UPRT: variants seen among roughly 807,000 people sequenced by gnomAD.
UPRT encodes the protein uracil phosphoribosyltransferase homolog, also known as RP11-311P8.3.
UPRT carries 5 observed loss-of-function variants against 22.6 expected under a neutral mutation model. The observed-to-expected ratio is 0.22, with a 90% CI of 0.12 to 0.47. UPRT has a LOEUF of 0.47. Among genes scored for constraint, UPRT ranks in the 20% least tolerant of loss-of-function variants. The probability of loss-of-function intolerance (pLI) is 0.99; values close to 1 mark genes in which losing one functional copy is unlikely to be tolerated. For synonymous variants in UPRT, 77 were observed against 87.7 expected (o/e 0.88, Z 0.68); for missense variants, 181 against 239.9 (o/e 0.75, Z 1.62).
At chrX:75,264,727 T>G (rs1048731316) in intron 4 of UPRT, among the ~76,000 whole-genome samples, 1 of 111,770 alleles carries the variant, frequency 8.9e-6, no homozygotes, top group Admixed American at 9.5e-5. Context: ...TTTGATCCTG[T>G]CATTATGACG....
intron 4 of UPRT, among the ~76,000 whole-genome samples, chrX:75,179,031 G>T (rs767359972): frequency 8.9e-6 from 1 of 111,821 alleles, no homozygotes; most frequent in East Asian, 2.8e-4. Context: ...AGATTAGTTA[G>T]ATACAGAGTT....
At chrX:75,224,100 A>T (rs1385166182) in intron 4 of UPRT, among the ~76,000 whole-genome samples, 1 of 111,430 alleles carries the variant, frequency 9.0e-6, no homozygotes, top group African/African-American at 3.3e-5. Flanking sequence ...TTGGTTGTTT[A>T]AAAAAAATTC....
At chrX:75,203,562 G>A (rs1427103036) in intron 4 of UPRT, among the ~76,000 whole-genome samples, 1 of 108,825 alleles carries the variant, frequency 9.2e-6, no homozygotes, top group African/African-American at 3.4e-5. Context: ...AACAGCAAAT[G>A]CAGGCTTTAT....
At chrX:75,226,850 C>G (rs1324059204) in intron 4 of UPRT, among the ~76,000 whole-genome samples, 2 of 110,794 alleles carry the variant, frequency 1.8e-5, no homozygotes, top group Non-Finnish European at 3.8e-5. Flanking sequence ...CTTTTGTTCA[C>G]CACTCAACAT....
intron 2 of UPRT, among the ~76,000 whole-genome samples, chrX:75,162,468 A>T (rs754080495): frequency 9.0e-6 from 1 of 111,502 alleles, no homozygotes; most frequent in East Asian, 2.8e-4. Flanking sequence ...AAACTCTCCA[A>T]GTTGCAGTTT....
intron 1 of UPRT, among the ~76,000 whole-genome samples, chrX:75,277,154 T>G (rs757727273): frequency 6.3e-5 from 7 of 111,976 alleles, no homozygotes; most frequent in Non-Finnish European, 1.1e-4. Flanking sequence ...TTTGGGTGGT[T>G]TACCACTCTT....
intron 4 of UPRT, among the ~76,000 whole-genome samples, chrX:75,260,318 TAA>T (rs1418851574): frequency 1.8e-5 from 2 of 111,904 alleles, no homozygotes; most frequent in Non-Finnish European, 3.8e-5. Flanking sequence ...GCAAATTGGA[TAA>T]AGAGTCAAGA....
intron 6 of UPRT, among the ~76,000 whole-genome samples, chrX:75,302,636 AAT>A (rs1156287986): frequency 1.8e-5 from 2 of 111,447 alleles, no homozygotes; most frequent in African/African-American, 3.3e-5. Context: ...ACATCCTTTG[AAT>A]ATATGTTATT....
rs1206688194 is a variant in UPRT at position 75,227,073 on chromosome X, C to T, written c.-447+59194C>T. Among the ~76,000 whole-genome samples, 5 of 110,886 alleles carry T rather than the reference C, an allele frequency of 4.5e-5. No homozygotes were observed. In the South Asian group the frequency reaches 1.6e-3, roughly 34 times the overall value. On this transcript the variant is annotated intron_variant, in intron 4 of 13. Transcript: ENST00000652605. ...ATGTGAGCTTAGGTGTACCTCAGTG[C>T]CCAGTACTGCCTTTTCCACTCCATC...
intron 3 of UPRT, among the ~76,000 whole-genome samples, chrX:75,166,207 A>C (rs1466358823): frequency 8.9e-6 from 1 of 111,791 alleles, no homozygotes; most frequent in Non-Finnish European, 1.9e-5. Flanking sequence ...ATGATAATTA[A>C]AATCAACATG....
chrX:75,223,357 C>T (rs1289716003), intron 4 of UPRT, among the ~76,000 whole-genome samples: 1 of 110,899 alleles, frequency 9.0e-6, no homozygotes, highest in African/African-American at 3.3e-5. Context: ...GTTGGTGTCA[C>T]ACTAGGCCAT....
intron 4 of UPRT, among the ~76,000 whole-genome samples, chrX:75,219,473 G>A (rs1044682300): frequency 1.2e-4 from 13 of 111,646 alleles, no homozygotes; most frequent in African/African-American, 4.2e-4. Flanking sequence ...GATAATAAGT[G>A]GGCTTCATCA....
At chrX:75,238,859 G>T (rs1290275529) in intron 4 of UPRT, among the ~76,000 whole-genome samples, 1 of 111,693 alleles carries the variant, frequency 9.0e-6, no homozygotes, top group Admixed American at 9.6e-5. Context: ...TCTTCTGAAT[G>T]ATCCTTTGGT....
intron 4 of UPRT, among the ~76,000 whole-genome samples, chrX:75,219,051 TA>T (rs200991685): frequency 0.01 from 1,106 of 110,113 alleles, 6 homozygotes; most frequent in Non-Finnish European, 0.014. Context: ...TAATAAAATT[TA>T]AAAAAAAAGA....
At chrX:75,279,317 C>T (rs781580652) in intron 1 of UPRT, among the ~76,000 whole-genome samples, 5 of 111,481 alleles carry the variant, frequency 4.5e-5, no homozygotes, top group Admixed American at 9.5e-5. Flanking sequence ...AAAACTGTGA[C>T]GTGCAAATTG....
intron 2 of UPRT, among the ~76,000 whole-genome samples, chrX:75,295,646 A>G (rs1354227432): frequency 8.9e-6 from 1 of 112,403 alleles, no homozygotes; most frequent in Non-Finnish European, 1.9e-5. Context: ...ATTGGATAAA[A>G]TGTGCATTGC....
intron 1 of UPRT, 135 bp downstream of exon 1, chrX:75,274,775 G>GGGGT (rs2082624621): frequency 8.3e-6 from 3 of 361,674 alleles, no homozygotes; most frequent in African/African-American, 6.0e-5. Flanking sequence ...CCTTTTATTT[G>GGGGT]GTGTGTGTGT....
chrX:75,302,191 G>C (rs1314638906), intron 6 of UPRT, among the ~76,000 whole-genome samples: 1 of 111,048 alleles, frequency 9.0e-6, no homozygotes, highest in Non-Finnish European at 1.9e-5. Flanking sequence ...TTACTTTGCT[G>C]TTTCATAACT....
intron 4 of UPRT, among the ~76,000 whole-genome samples, chrX:75,199,133 C>T (rs993468353): frequency 5.4e-5 from 6 of 111,768 alleles, no homozygotes; most frequent in Non-Finnish European, 1.1e-4. Flanking sequence ...TAGGCAAGTC[C>T]TAGTGCTGAG....
Sources: gnomAD v4.1 joint callset for allele counts (sites outside exome capture counted in the v4.1 genomes callset) on GRCh38, gnomAD v4.1.1 for gene constraint, MANE v1.5 for transcripts, NCBI Gene and HGNC (gene_info 2026-07-23, HGNC 2026-07-21) for gene names.